NBAS: variants seen among roughly 807,000 people sequenced by gnomAD.
NBAS encodes the protein NBAS subunit of NRZ tethering complex, also known as NAG/BC035112 fusion.
NBAS carries 219 observed loss-of-function variants against 302.5 expected under a neutral mutation model. That is an observed-to-expected ratio of 0.72 (90% CI 0.65 to 0.81). NBAS has a LOEUF of 0.81. Among genes scored for constraint, NBAS ranks in the 30% least tolerant of loss-of-function variants. NBAS has a pLI of 0.00. For synonymous variants in NBAS, 1,118 were observed against 1,021.6 expected (o/e 1.09, Z -1.80); for missense variants, 2,932 against 2,841.6 (o/e 1.03, Z -0.72).
At chr2:15,145,529 T>C in the NBAS span, among the ~76,000 whole-genome samples, 3 of 151,976 alleles carry the variant, frequency 2.0e-5, no homozygotes, top group Admixed American at 1.3e-4. Flanking sequence ...TGAGACCTGG[T>C]CACTGTGAGA....
intron 24 of NBAS, among the ~76,000 whole-genome samples, chr2:15,416,085 CAGAGAGAGAG>C (rs142747790): frequency 1.0e-4 from 15 of 147,752 alleles, no homozygotes; most frequent in Admixed American, 4.1e-4. Flanking sequence ...TACGCAAAAA[CAGAGAGAGAG>C]AGAGAGAGAG....
chr2:14,806,074 T>C, the NBAS span, among the ~76,000 whole-genome samples: 2 of 152,200 alleles, frequency 1.3e-5, no homozygotes, highest in African/African-American at 4.8e-5. Context: ...TTAGAGTGCA[T>C]CAGAATCTCC....
At chr2:15,274,308 A>T (rs1159023304) in intron 44 of NBAS, among the ~76,000 whole-genome samples, 2 of 152,224 alleles carry the variant, frequency 1.3e-5, no homozygotes, top group African/African-American at 4.8e-5. Flanking sequence ...CAAATGAATG[A>T]TTTGCAATTC....
chr2:15,264,307 C>A (rs73194993), intron 44 of NBAS, among the ~76,000 whole-genome samples: 4,564 of 152,206 alleles, frequency 0.03, 198 homozygotes, highest in African/African-American at 0.099. Context: ...ATTTACACCC[C>A]CTATGAATTT....
At chr2:15,139,849 G>C in the NBAS span, among the ~76,000 whole-genome samples, 6 of 152,312 alleles carry the variant, frequency 3.9e-5, no homozygotes, top group African/African-American at 1.2e-4. Context: ...TCCTTCAGTA[G>C]AGTGTACAGT....
the NBAS span, among the ~76,000 whole-genome samples, chr2:14,838,426 C>T: frequency 1.3e-5 from 2 of 151,898 alleles, no homozygotes; most frequent in African/African-American, 2.4e-5. Context: ...TGTTGCAACA[C>T]TTTTTATAAT....
Position 15,266,698 on chromosome 2 carries a change from C to T in NBAS, c.5724+8786G>A, listed in dbSNP as rs1283379314. Among the ~76,000 whole-genome samples, 5 of 152,122 alleles carry T rather than the reference C, an allele frequency of 3.3e-5. No individual in the cohort carries two copies. In the South Asian group the frequency reaches 1.0e-3, roughly 31 times the overall value. The stretch of plus-strand genomic sequence containing the variant: ...TCAGTGTTTGTTGGTTTCCCCTCAT[C>T]CTCAATTCTTAATATTGTAGGGTCC... On this transcript the variant is annotated intron_variant, in intron 44 of 51. Transcript: ENST00000281513.
At chr2:15,052,204 G>A in the NBAS span, among the ~76,000 whole-genome samples, 1 of 152,270 alleles carries the variant, frequency 6.6e-6, no homozygotes, top group Non-Finnish European at 1.5e-5. Flanking sequence ...AATGCATTGG[G>A]AAATGAATAC....
chr2:14,910,260 C>T, the NBAS span, among the ~76,000 whole-genome samples: 16 of 152,220 alleles, frequency 1.1e-4, no homozygotes, highest in East Asian at 1.9e-3. Flanking sequence ...CTGTGAAAAC[C>T]GAGGTGCAAA....
intron 21 of NBAS, among the ~76,000 whole-genome samples, chr2:15,451,421 T>C (rs1445668526): frequency 6.6e-6 from 1 of 152,144 alleles, no homozygotes; most frequent in Non-Finnish European, 1.5e-5. Flanking sequence ...TTCAAATTAT[T>C]TCATTTCTGG....
chr2:15,536,628 A>C, intron 7 of NBAS, 77 bp from the exon 8 acceptor site: 1 of 1,225,180 alleles, frequency 8.2e-7, no homozygotes, highest in Non-Finnish European at 1.2e-6. Flanking sequence ...ATTAGAGAAT[A>C]TCTGATACAC....
At chr2:15,078,006 G>A in the NBAS span, among the ~76,000 whole-genome samples, 2 of 152,126 alleles carry the variant, frequency 1.3e-5, no homozygotes, top group South Asian at 2.1e-4. Context: ...CTAAGAAGGA[G>A]GTCTCTGAAT....
chr2:15,276,943 A>G lies in NBAS; in HGVS notation c.5297T>C (p.Leu1766Pro), dbSNP rs1294584287. 1.9e-6 allele frequency: 3 copies of G among 1,614,000 alleles called. No individual in the cohort carries two copies. Among genetic ancestry groups the G allele is most frequent in the Admixed American group, 1.7e-5 (1 of 59,990 alleles). Residue 1766 changes from leucine to proline, a missense_variant, in exon 43 of 52, where the codon CTG (leucine) becomes CCG (proline). Transcript: ENST00000281513. Reference protein sequence around the residue: ...HERLQYYFTLLENCGCADLGN... With the variant: ...HERLQYYFTLPENCGCADLGN... Reference sequence around the variant, plus strand: ...CAAATCTGCACAGCCACAGTTTTCCAGAAGAGTGAAATAATACTGCAGCCT... The same window carrying G: ...CAAATCTGCACAGCCACAGTTTTCCGGAAGAGTGAAATAATACTGCAGCCT...
the NBAS span, among the ~76,000 whole-genome samples, chr2:14,898,579 G>A: frequency 6.6e-6 from 1 of 152,188 alleles, no homozygotes; most frequent in African/African-American, 2.4e-5. Flanking sequence ...GGGACCCAGT[G>A]GGAGATAACT....
Position 15,512,088 on chromosome 2 carries a change from C to G in NBAS, c.747-738G>C, listed in dbSNP as rs150130965. ...GTCTAAAGAAAGAAAAAAAGTCTGA[C>G]AGTTCCGTTTACCTCCTTCTTGGCC... On this transcript the variant is annotated intron_variant, in intron 9 of 51. Coordinates refer to ENST00000281513, the MANE Select transcript of NBAS (RefSeq NM_015909.4). Among the ~76,000 whole-genome samples the G allele has an allele frequency of 5.1e-3, 782 of 152,238 alleles. 9 individuals are homozygous for G. The highest frequency in any genetic ancestry group is 0.018 in the African/African-American group (756 of 41,526).
chr2:14,918,825 T>A, the NBAS span, among the ~76,000 whole-genome samples: 1 of 151,626 alleles, frequency 6.6e-6, no homozygotes, highest in Non-Finnish European at 1.5e-5. Context: ...GGTGATCCAG[T>A]GGGAAATGCA....
At chr2:14,812,125 C>T in the NBAS span, among the ~76,000 whole-genome samples, 1 of 152,294 alleles carries the variant, frequency 6.6e-6, no homozygotes, top group South Asian at 2.1e-4. Flanking sequence ...TTGGTACTAG[C>T]CACTAGTGCA....
At chr2:14,934,473 C>T in the NBAS span, among the ~76,000 whole-genome samples, 4 of 151,826 alleles carry the variant, frequency 2.6e-5, no homozygotes, top group African/African-American at 4.8e-5. Context: ...CTATTGAGTC[C>T]GTAGTTTAAT....
At chr2:14,974,416 G>A in the NBAS span, among the ~76,000 whole-genome samples, 1 of 152,210 alleles carries the variant, frequency 6.6e-6, no homozygotes, top group Admixed American at 6.5e-5. Context: ...GGTAGGGGAG[G>A]TAAGAGAAAT....
Sources: gnomAD v4.1 joint callset for allele counts (sites outside exome capture counted in the v4.1 genomes callset) on GRCh38, gnomAD v4.1.1 for gene constraint, MANE v1.5 for transcripts, NCBI Gene and HGNC (gene_info 2026-07-23, HGNC 2026-07-21) for gene names.